Variants in PLAAT1 observed in about 807,000 individuals in gnomAD.
PLAAT1 encodes the protein phospholipase A and acyltransferase 1, also known as H-REV107 protein-related protein.
Under a neutral mutation model 16.4 loss-of-function variants are expected in PLAAT1, and 13 were observed. The ratio of observed to expected loss-of-function variants is 0.79; its 90% CI spans 0.52 to 1.26. The LOEUF (loss-of-function observed/expected upper bound fraction) is 1.26, where lower values mean the gene tolerates loss of function less well. Among genes scored for constraint, PLAAT1 ranks in the 50% most tolerant of loss-of-function variants. The pLI is 0.00. For synonymous variants in PLAAT1, 73 were observed against 78.4 expected (o/e 0.93, Z 0.36); for missense variants, 218 against 207.8 (o/e 1.05, Z -0.30).
At chr3:193,258,228 C>A (rs1164794452) in intron 2 of PLAAT1, among the ~76,000 whole-genome samples, 2 of 152,138 alleles carry the variant, frequency 1.3e-5, no homozygotes, top group Non-Finnish European at 2.9e-5. Context: ...AATAGAGACA[C>A]AACTTACCAA....
At chr3:193,257,626 A>C (rs1420528766) in intron 2 of PLAAT1, among the ~76,000 whole-genome samples, 1 of 152,180 alleles carries the variant, frequency 6.6e-6, no homozygotes, top group Non-Finnish European at 1.5e-5. Flanking sequence ...AGTGATGCTT[A>C]ATATCTAGTG....
chr3:193,243,206 T>C (rs896499872), intron 1 of PLAAT1, among the ~76,000 whole-genome samples: 1 of 152,232 alleles, frequency 6.6e-6, no homozygotes, highest in Admixed American at 6.5e-5. Flanking sequence ...GAAGCATTTT[T>C]TTACCTTAAA....
downstream of PLAAT1, among the ~76,000 whole-genome samples, chr3:193,272,016 C>T (rs1367101980): frequency 6.6e-6 from 1 of 152,156 alleles, no homozygotes; most frequent in Non-Finnish European, 1.5e-5. Flanking sequence ...CAAAGACTCT[C>T]TTCTTCCACT....
chr3:193,261,004 T>G (rs1471092452), intron 2 of PLAAT1, among the ~76,000 whole-genome samples: 1 of 152,214 alleles, frequency 6.6e-6, no homozygotes, highest in Non-Finnish European at 1.5e-5. Context: ...GATTCCTGTA[T>G]ACATTTAAAT....
intron 3 of PLAAT1, among the ~76,000 whole-genome samples, chr3:193,263,864 A>C (rs2108798626): frequency 6.6e-6 from 1 of 152,248 alleles, no homozygotes; most frequent in South Asian, 2.1e-4. Context: ...ACAAATTTCT[A>C]GCTAACAGCA....
intron 1 of PLAAT1, among the ~76,000 whole-genome samples, chr3:193,247,411 A>G (rs1239593947): frequency 6.6e-6 from 1 of 152,232 alleles, no homozygotes; most frequent in Non-Finnish European, 1.5e-5. Context: ...TAGGGAGCTC[A>G]GCCTCATCAG....
At chr3:193,242,814 T>A (rs1715825207) in intron 1 of PLAAT1, among the ~76,000 whole-genome samples, 2 of 152,166 alleles carry the variant, frequency 1.3e-5, no homozygotes, top group South Asian at 4.1e-4. Flanking sequence ...GGATTATGGA[T>A]GGAAAGTGCA....
At chr3:193,280,358 TTTCTTAAACCAGTTAAAATA>T (rs1398758330), downstream of PLAAT1, among the ~76,000 whole-genome samples, 4 of 152,136 alleles carry the variant, frequency 2.6e-5, no homozygotes, top group African/African-American at 9.7e-5. Flanking sequence ...GCCTCCAATT[TTTCTTAAACCAGTTAAAATA>T]CCACTTCCTC....
chr3:193,263,902 TGTTGTCCC>T (rs1246755732), intron 3 of PLAAT1, among the ~76,000 whole-genome samples: 28 of 152,300 alleles, frequency 1.8e-4, no homozygotes, highest in Middle Eastern at 3.4e-3. Context: ...CCTGTTGTCC[TGTTGTCCC>T]ACCAGTCCAG....
chr3:193,265,270 G>T (rs898005535), intron 3 of PLAAT1, among the ~76,000 whole-genome samples: 1 of 152,096 alleles, frequency 6.6e-6, no homozygotes, highest in Non-Finnish European at 1.5e-5. Context: ...TAGACAAAAT[G>T]GGGTATATCC....
intron 1 of PLAAT1, among the ~76,000 whole-genome samples, chr3:193,252,152 T>C (rs1281666685): frequency 1.3e-5 from 2 of 152,088 alleles, no homozygotes; most frequent in African/African-American, 4.8e-5. Context: ...TGGAATGCAA[T>C]GGGGGACCAG....
At chr3:193,276,907 T>C in intron 2 of PLAAT1, 1 of 1,077,500 alleles carries the variant, frequency 9.3e-7, no homozygotes, top group South Asian at 1.5e-5. Flanking sequence ...TTATTTAATT[T>C]ATAGATTTGT....
At chr3:193,277,556 T>A (rs1717278981) in intron 2 of PLAAT1, 2 of 152,246 alleles carry the variant, frequency 1.3e-5, no homozygotes, top group Admixed American at 6.5e-5. Context: ...CTCCGTAGTA[T>A]CTAAATGCTT....
rs1716962523 is a variant in PLAAT1, at chr3:193,270,797, TC to T, written c.*94del. On this transcript the variant is annotated 3_prime_UTR_variant, in exon 4 of 4. Transcript: ENST00000264735. Reference sequence around the variant, plus strand: ...CTTATTTTCAGTGCATCATTACTGTTCCAGATTCCTATGATGGATGGCAGAC... The same window carrying T: ...CTTATTTTCAGTGCATCATTACTGTTCAGATTCCTATGATGGATGGCAGAC... 6.8e-7 allele frequency: 1 copy of T among 1,474,654 alleles called. No homozygotes were observed. Among genetic ancestry groups the T allele is most frequent in the Admixed American group, 2.3e-5 (1 of 43,390 alleles). 91.3% of individuals were successfully genotyped at this position (1,474,654 alleles called of 1,614,324 possible). A position where few individuals can be genotyped will look rare whatever the true frequency, so the allele number is the denominator to read the frequency against.
chr3:193,269,933 G>T (rs1042601115), intron 3 of PLAAT1, among the ~76,000 whole-genome samples: 1 of 152,090 alleles, frequency 6.6e-6, no homozygotes, highest in African/African-American at 2.4e-5. Flanking sequence ...ATTAATTTTT[G>T]ACATGATAGT....
intron 1 of PLAAT1, 32 bp downstream of exon 1, chr3:193,241,565 G>A (rs1050196263): frequency 3.3e-5 from 41 of 1,228,706 alleles, no homozygotes; most frequent in Non-Finnish European, 4.1e-5. Flanking sequence ...AGGACCTCGA[G>A]GCGCCCCGGC....
downstream of PLAAT1, chr3:193,274,808 A>C: frequency 1.7e-6 from 1 of 582,524 alleles, no homozygotes; most frequent in Non-Finnish European, 3.0e-6. Context: ...AAATGAATAC[A>C]GTTTATTGAA....
chr3:193,276,916 G>T, intron 2 of PLAAT1: 2 of 1,011,036 alleles, frequency 2.0e-6, no homozygotes, highest in Non-Finnish European at 2.9e-6. Flanking sequence ...TTATAGATTT[G>T]TAATAACTCT....
At chr3:193,275,040 G>C, downstream of PLAAT1, 1 of 1,614,082 alleles carries the variant, frequency 6.2e-7, no homozygotes, top group Non-Finnish European at 8.5e-7. Flanking sequence ...CGACAATTCT[G>C]ATTACAGCCT....
Sources: gnomAD v4.1 joint callset for allele counts (sites outside exome capture counted in the v4.1 genomes callset) on GRCh38, gnomAD v4.1.1 for gene constraint, MANE v1.5 for transcripts, NCBI Gene and HGNC (gene_info 2026-07-23, HGNC 2026-07-21) for gene names.